GATAD2B: variants seen among roughly 807,000 people sequenced by gnomAD.
The protein encoded by GATAD2B is transcriptional repressor p66-beta.
GATAD2B carries 8 observed loss-of-function variants against 64.3 expected under a neutral mutation model. That is an observed-to-expected ratio of 0.12 (90% CI 0.07 to 0.22). The LOEUF is 0.22. Ranked by LOEUF, GATAD2B falls within the 10% of genes least tolerant of loss-of-function variation. GATAD2B has a pLI of 1.00. For synonymous variants in GATAD2B, 281 were observed against 271.3 expected, an observed-to-expected ratio of 1.04 and a Z score of -0.35; for missense variants, 453 against 752.0, an observed-to-expected ratio of 0.60 and a Z score of 4.65.
intron 10 of GATAD2B, 64 bp downstream of exon 10, chr1:153,811,667 T>C: frequency 1.0e-6 from 1 of 960,622 alleles, no homozygotes; most frequent in Non-Finnish European, 1.7e-6. Context: ...AAGGGGCTGC[T>C]ACAGAACTGT....
In GATAD2B at chr1:153,808,693, G is replaced by T. The variant is rs1674182097; in HGVS notation, c.*1484C>A. On this transcript the variant is annotated 3_prime_UTR_variant, in exon 11 of 11. Coordinates refer to ENST00000368655, the MANE Select transcript of GATAD2B (RefSeq NM_020699.4). ...GCTTCCCTTACTTCAAAAACAGCCT[G>T]GTCCACTCCGTCTTCCCACAGTGTG... 6.6e-6 allele frequency: 1 copy of T among 151,398 alleles called. No individual in the cohort carries two copies. 9.4% of individuals were successfully genotyped at this position (151,398 alleles called of 1,614,324 possible). A position where few individuals can be genotyped will look rare whatever the true frequency, so the allele number is the denominator to read the frequency against.
chr1:153,855,943 A>G (rs142167765), intron 1 of GATAD2B, among the ~76,000 whole-genome samples: 107 of 152,276 alleles, frequency 7.0e-4, no homozygotes, highest in African/African-American at 2.2e-3. Flanking sequence ...TTGGCCTCCC[A>G]AAGTGCTGGG....
intron 1 of GATAD2B, among the ~76,000 whole-genome samples, chr1:153,921,105 G>T (rs1381654798): frequency 6.6e-6 from 1 of 152,184 alleles, no homozygotes; most frequent in Non-Finnish European, 1.5e-5. Context: ...GACAATACTT[G>T]AAAGGCTGCT....
At chr1:153,819,241 C>T (rs1261191687) in intron 3 of GATAD2B, among the ~76,000 whole-genome samples, 1 of 152,168 alleles carries the variant, frequency 6.6e-6, no homozygotes, top group African/African-American at 2.4e-5. Context: ...GCCACATTTC[C>T]TCTAGATATA....
At chr1:153,841,419 T>C (rs557542299) in intron 1 of GATAD2B, among the ~76,000 whole-genome samples, 3 of 152,288 alleles carry the variant, frequency 2.0e-5, no homozygotes, top group Admixed American at 6.5e-5. Flanking sequence ...GTGTTAACTG[T>C]TTTATAACAA....
intron 4 of GATAD2B, among the ~76,000 whole-genome samples, chr1:153,818,389 A>G (rs1020118655): frequency 5.6e-5 from 8 of 142,178 alleles, no homozygotes; most frequent in Non-Finnish European, 1.1e-4. Context: ...ATCTCGGCTC[A>G]CTGCAAGCTC....
intron 3 of GATAD2B, among the ~76,000 whole-genome samples, chr1:153,819,315 C>T (rs573438046): frequency 6.6e-6 from 1 of 152,350 alleles, no homozygotes; most frequent in East Asian, 1.9e-4. Context: ...AGTATCCTTA[C>T]AGCCAAGAGT....
At chr1:153,904,699 G>T (rs1008580630) in intron 1 of GATAD2B, among the ~76,000 whole-genome samples, 1 of 151,592 alleles carries the variant, frequency 6.6e-6, no homozygotes, top group African/African-American at 2.4e-5. Context: ...GTGCCACCAG[G>T]CCCAGCTAAT....
At chr1:153,864,867 G>C (rs1046300650) in intron 1 of GATAD2B, among the ~76,000 whole-genome samples, 2 of 151,618 alleles carry the variant, frequency 1.3e-5, no homozygotes, top group African/African-American at 4.8e-5. Flanking sequence ...TCAGGAGTTC[G>C]AGACCAGCCA....
chr1:153,920,683 G>A (rs1678403405), intron 1 of GATAD2B, among the ~76,000 whole-genome samples: 1 of 152,134 alleles, frequency 6.6e-6, no homozygotes, highest in Admixed American at 6.5e-5. Flanking sequence ...CTCACCTCAT[G>A]GAGAGTGTTC....
intron 1 of GATAD2B, among the ~76,000 whole-genome samples, chr1:153,917,758 C>T (rs1678316897): frequency 6.6e-6 from 1 of 152,160 alleles, no homozygotes; most frequent in South Asian, 2.1e-4. Flanking sequence ...ATTACCAAAA[C>T]AAATCCATGC....
intron 1 of GATAD2B, among the ~76,000 whole-genome samples, chr1:153,838,033 A>G (rs1675336236): frequency 6.6e-6 from 1 of 152,212 alleles, no homozygotes; most frequent in South Asian, 2.1e-4. Flanking sequence ...AATCTTTTCA[A>G]CAAGCTACTA....
chr1:153,866,188 G>A lies in GATAD2B; in HGVS notation c.-1-37840C>T, dbSNP rs556327993. Reference sequence around the variant, plus strand: ...CACTGCACTCCAGCCTGGCAACAGAGTGACACTAGGTCTCAAAAAAAAAAA... The same window carrying A: ...CACTGCACTCCAGCCTGGCAACAGAATGACACTAGGTCTCAAAAAAAAAAA... On this transcript the variant is annotated intron_variant, in intron 1 of 10. Coordinates refer to ENST00000368655, the MANE Select transcript of GATAD2B (RefSeq NM_020699.4). 8.3e-5 allele frequency among the ~76,000 whole-genome samples: 10 copies of A among 121,078 alleles called. No homozygotes were observed. The Admixed American group carries it at 1.0e-3, about 13-fold the overall frequency. 79.4% of individuals were successfully genotyped at this position (121,078 alleles called of 152,430 possible).
intron 1 of GATAD2B, among the ~76,000 whole-genome samples, chr1:153,904,499 A>G (rs11264573): frequency 0.45 from 67,992 of 151,806 alleles, 15,935 homozygotes; most frequent in Non-Finnish European, 0.52. Context: ...TAACAAAATG[A>G]TTCATTTATA....
intron 1 of GATAD2B, among the ~76,000 whole-genome samples, chr1:153,897,914 G>A (rs912786177): frequency 1.3e-5 from 2 of 150,324 alleles, no homozygotes; most frequent in Admixed American, 6.7e-5. Flanking sequence ...GGAAGACCTC[G>A]ACGAACGGAT....
In GATAD2B at chr1:153,830,726, C is replaced by T. The variant is rs572291177; in HGVS notation, c.-1-2378G>A. On this transcript the variant is annotated intron_variant, in intron 1 of 10. Coordinates refer to ENST00000368655, the MANE Select transcript of GATAD2B (RefSeq NM_020699.4). ...TCCTGACCTCGTGATCCGCCCGCCT[C>T]GGCCTCCCAAAGTGCTGGGATTACA... Among the ~76,000 whole-genome samples, 24 of 151,952 alleles carry T rather than the reference C, an allele frequency of 1.6e-4. No homozygotes were observed. The East Asian group carries it at 4.1e-3, about 26-fold the overall frequency.
intron 1 of GATAD2B, among the ~76,000 whole-genome samples, chr1:153,847,787 C>T (rs182416096): frequency 1.3e-5 from 2 of 152,240 alleles, no homozygotes; most frequent in African/African-American, 2.4e-5. Flanking sequence ...TGTCTCATCT[C>T]TTTTTTTCAT....
At chr1:153,827,167 G>C (rs969956104) in intron 2 of GATAD2B, among the ~76,000 whole-genome samples, 4 of 150,444 alleles carry the variant, frequency 2.7e-5, no homozygotes, top group African/African-American at 7.3e-5. Flanking sequence ...TTGGGGTTGA[G>C]GGGGGAAGAT....
rs750808178 is a variant in GATAD2B at position 153,828,078 on chromosome 1, C to T, written c.270G>A (p.Arg90=). 7.4e-6 allele frequency: 12 copies of T among 1,614,028 alleles called. No homozygotes were observed. The African/African-American group carries it at 1.5e-4, about 20-fold the overall frequency. ...TTTCTTTGCCTGGCCTTCCAGCAGT[C>T]CTGTTGTCTCCATGAGGCCTGAGAT... ...NGNLRPHGDN[R]TAGRPGKENI... The change falls in exon 2 of 11, where the codon AGG becomes AGA. Residue 90 remains arginine (R), a synonymous_variant. Transcript: ENST00000368655.
Sources: allele counts gnomAD v4.1 joint callset (sites outside exome capture counted in the v4.1 genomes callset), GRCh38; gene constraint gnomAD v4.1.1; transcripts MANE v1.5; gene names NCBI Gene and HGNC (gene_info 2026-07-23, HGNC 2026-07-21).